DR1: variants seen among roughly 807,000 people sequenced by gnomAD.
DR1 encodes the protein protein Dr1.
In DR1, 7 loss-of-function variants were observed where a neutral mutation model predicts 19.9. That is an observed-to-expected ratio of 0.35 (90% confidence interval 0.20 to 0.66). The LOEUF is 0.66. Ranked by LOEUF, DR1 falls within the 30% of genes least tolerant of loss-of-function variation. The probability of loss-of-function intolerance (pLI) is 0.66; values close to 1 mark genes in which losing one functional copy is unlikely to be tolerated. For missense variants in DR1, 98 were observed against 203.7 expected, an observed-to-expected ratio of 0.48 and a Z score of 3.16; for synonymous variants, 76 against 72.5, an observed-to-expected ratio of 1.05 and a Z score of -0.24.
Position 93,347,687 on chromosome 1 carries a change from A to G in DR1, c.220+822A>G, listed in dbSNP as rs1051973280. Among the ~76,000 whole-genome samples the G allele has an allele frequency of 3.3e-5, 5 of 152,122 alleles. No individual in the cohort carries two copies. The East Asian group carries it at 5.8e-4, about 18-fold the overall frequency. ...TGGAACAGCACTTCTGAAAACTTCA[A>G]CAGTTTCTTTTATCCTGGAAAGGAT... On this transcript the variant is annotated intron_variant, in intron 1 of 2. Coordinates refer to ENST00000370272, the MANE Select transcript of DR1 (RefSeq NM_001938.3).
In DR1 at chr1:93,346,257, C is replaced by T. The variant is rs1666834771; in HGVS notation, c.-389C>T. On this transcript the variant is annotated 5_prime_UTR_variant, in exon 1 of 3. Coordinates refer to ENST00000370272, the MANE Select transcript of DR1 (RefSeq NM_001938.3). Reference sequence around the variant, plus strand: ...GCTGGGTACCCGCCCGGTACCGCGGCGAGGCCAGTGCCCCTGGATCTTGCC... The same window carrying T: ...GCTGGGTACCCGCCCGGTACCGCGGTGAGGCCAGTGCCCCTGGATCTTGCC... 3.8e-6 allele frequency: 1 copy of T among 260,804 alleles called. No homozygotes were observed. Among genetic ancestry groups the T allele is most frequent in the Non-Finnish European group, 7.6e-6 (1 of 131,896 alleles). 16.2% of individuals were successfully genotyped at this position (260,804 alleles called of 1,614,324 possible).
At position 93,346,172 on chromosome 1, in the gene DR1, A is replaced by G; in HGVS notation, c.-474A>G. The G allele has an allele frequency of 4.4e-6, 1 of 225,288 alleles. No homozygotes were observed. Among genetic ancestry groups the G allele is most frequent in the South Asian group, 4.9e-5 (1 of 20,524 alleles). 14.0% of individuals were successfully genotyped at this position (225,288 alleles called of 1,614,324 possible). A position where few individuals can be genotyped will look rare whatever the true frequency, so the allele number is the denominator to read the frequency against. On this transcript the variant is annotated 5_prime_UTR_variant, in exon 1 of 3. Coordinates refer to ENST00000370272, the MANE Select transcript of DR1 (RefSeq NM_001938.3). ...AGGATGGTTTGGCCGAGGCGGCGGC[A>G]ACGGCTGCTGGCGGCGGCGGCAGCG...
rs1667177690 is a variant in DR1, at chr1:93,367,240, G to T, written c.*6601G>T. The T allele has an allele frequency of 6.6e-6, 1 of 151,934 alleles. No individual in the cohort carries two copies. Among genetic ancestry groups the T allele is most frequent in the Admixed American group, 6.6e-5 (1 of 15,244 alleles). 9.4% of individuals were successfully genotyped at this position (151,934 alleles called of 1,614,324 possible). On this transcript the variant is annotated 3_prime_UTR_variant, in exon 3 of 3. Transcript: ENST00000370272. ...TGTAGTGCTAGTGGGTTAAATCAAG[G>T]AATAACTGTTGGGAAGTGAAAATTT...
intron 1 of DR1, among the ~76,000 whole-genome samples, chr1:93,352,458 G>C (rs1666925481): frequency 6.6e-6 from 1 of 152,182 alleles, no homozygotes; most frequent in Non-Finnish European, 1.5e-5. Flanking sequence ...CTTAATAATA[G>C]GACAGTACTA....
intron 2 of DR1, chr1:93,354,938 G>C (rs1280980000): frequency 6.6e-6 from 1 of 152,106 alleles, no homozygotes; most frequent in Non-Finnish European, 1.5e-5. Flanking sequence ...ACATTGCCAA[G>C]TAATTTTCCT....
chr1:93,350,510 A>G (rs973401750), intron 1 of DR1, among the ~76,000 whole-genome samples: 1 of 152,204 alleles, frequency 6.6e-6, no homozygotes, highest in Non-Finnish European at 1.5e-5. Flanking sequence ...CAAATGAAAA[A>G]CATGTTTTAT....
In DR1 at chr1:93,346,521, AC is replaced by A; in HGVS notation, c.-122del. ...AGCTGCTCCTCCGTTCATTTTCTGC[AC>A]CCTCTTCGCAAAGCACCCCCCGGGA... is the stretch of plus-strand genomic sequence containing the variant. On this transcript the variant is annotated 5_prime_UTR_variant, in exon 1 of 3. Coordinates refer to ENST00000370272, the MANE Select transcript of DR1 (RefSeq NM_001938.3). 2 of 698,310 alleles carry A rather than the reference AC, an allele frequency of 2.9e-6. No homozygotes were observed. The highest frequency in any genetic ancestry group is 1.8e-5 in the South Asian group (1 of 55,658). The allele number at this position is 698,310 out of a possible 1,614,324, so 43.3% of individuals were successfully genotyped here.
At chr1:93,353,289 CG>C (rs1213376137) in intron 1 of DR1, among the ~76,000 whole-genome samples, 1 of 151,968 alleles carries the variant, frequency 6.6e-6, no homozygotes, top group Non-Finnish European at 1.5e-5. Flanking sequence ...CTTTCAGCTA[CG>C]TTTTTTTTGC....
At position 93,365,575 on chromosome 1, in the gene DR1, A is replaced by G. The variant is rs1057126350; in HGVS notation, c.*4936A>G. 3 of 152,166 alleles carry G rather than the reference A, an allele frequency of 2.0e-5. No homozygotes were observed. The highest frequency in any genetic ancestry group is 7.2e-5 in the African/African-American group (3 of 41,424). 9.4% of individuals were successfully genotyped at this position (152,166 alleles called of 1,614,324 possible). A position where few individuals can be genotyped will look rare whatever the true frequency, so the allele number is the denominator to read the frequency against. ...ACCCTGTTGAAAACCACCACCTTAG[A>G]TCATCTAGGTTTTACTTTTAGGATA... is the stretch of plus-strand genomic sequence containing the variant. On this transcript the variant is annotated 3_prime_UTR_variant, in exon 3 of 3. Transcript: ENST00000370272.
Position 93,346,500 on chromosome 1 carries a change from GCTC to G in DR1, c.-141_-139del, listed in dbSNP as rs1666841351. The G allele has an allele frequency of 1.6e-6, 1 of 640,394 alleles. No individual in the cohort carries two copies. The highest frequency in any genetic ancestry group is 2.7e-6 in the Non-Finnish European group (1 of 367,118). 39.7% of individuals were successfully genotyped at this position (640,394 alleles called of 1,614,324 possible). The stretch of plus-strand genomic sequence containing the variant: ...AGTGTTCCCAGCCCTCAAGCCAGCT[GCTC>G]CTCCGTTCATTTTCTGCACCCTCTT... On this transcript the variant is annotated 5_prime_UTR_variant, in exon 1 of 3. Coordinates refer to ENST00000370272, the MANE Select transcript of DR1 (RefSeq NM_001938.3).
chr1:93,360,759 T>A lies in DR1; in HGVS notation c.*120T>A. 9.2e-7 allele frequency: 1 copy of A among 1,089,296 alleles called. No individual in the cohort carries two copies. Among genetic ancestry groups the A allele is most frequent in the East Asian group, 2.8e-5 (1 of 36,070 alleles). The allele number at this position is 1,089,296 out of a possible 1,614,324, so 67.5% of individuals were successfully genotyped here. ...CTTGGTGGACTTGTCATTGGTATTC[T>A]AGGGATGTCTGCTATTAAGTTTCAT... On this transcript the variant is annotated 3_prime_UTR_variant, in exon 3 of 3. Transcript: ENST00000370272.
chr1:93,349,268 T>A (rs771462), intron 1 of DR1, among the ~76,000 whole-genome samples: 30,875 of 151,640 alleles, frequency 0.2, 3,396 homozygotes, highest in East Asian at 0.31. Flanking sequence ...TTTAAAAAAA[T>A]TTTTTTTTCT....
At chr1:93,349,933 T>C (rs3767964) in intron 1 of DR1, among the ~76,000 whole-genome samples, 79,024 of 151,976 alleles carry the variant, frequency 0.52, 23,124 homozygotes, top group South Asian at 0.65. Flanking sequence ...AGTTTTGGCA[T>C]AAGTCCATGG....
At chr1:93,359,977 T>C (rs1003940268) in intron 2 of DR1, among the ~76,000 whole-genome samples, 1 of 152,070 alleles carries the variant, frequency 6.6e-6, no homozygotes, top group African/African-American at 2.4e-5. Context: ...AAAGAAATAA[T>C]GGGGTAGCTA....
rs921029918 is a variant in DR1, at chr1:93,346,152, G to A, written c.-494G>A. On this transcript the variant is annotated 5_prime_UTR_variant, in exon 1 of 3. The change abolishes an upstream ATG in the 5' untranslated region. Transcript: ENST00000370272. ...GCGGCGGCGCGGGTGTCTGAAGGAT[G>A]GTTTGGCCGAGGCGGCGGCAACGGC... The A allele has an allele frequency of 1.3e-5, 3 of 227,694 alleles. No individual in the cohort carries two copies. The highest frequency in any genetic ancestry group is 2.6e-5 in the Non-Finnish European group (3 of 115,930). 14.1% of individuals were successfully genotyped at this position (227,694 alleles called of 1,614,324 possible). A position where few individuals can be genotyped will look rare whatever the true frequency, so the allele number is the denominator to read the frequency against.
At position 93,368,327 on chromosome 1, in the gene DR1, T is replaced by TACACTTGTCACTAACATA. The variant is rs1236090746; in HGVS notation, c.*7688_*7689insACACTTGTCACTAACATA. 2 of 152,246 alleles carry TACACTTGTCACTAACATA rather than the reference T, an allele frequency of 1.3e-5. No homozygotes were observed. Among genetic ancestry groups the TACACTTGTCACTAACATA allele is most frequent in the Non-Finnish European group, 2.9e-5 (2 of 68,042 alleles). The allele number at this position is 152,246 out of a possible 1,614,324, so 9.4% of individuals were successfully genotyped here. ...GTTTCTTGCCTTTGTATATTTTATA[T>TACACTTGTCACTAACATA]GAATAGCACTTGTCACTAACATAGA... On this transcript the variant is annotated 3_prime_UTR_variant, in exon 3 of 3. Coordinates refer to ENST00000370272, the MANE Select transcript of DR1 (RefSeq NM_001938.3).
rs397714493 is a variant in DR1 at position 93,362,451 on chromosome 1, T to TC, written c.*1813dup. 6.6e-6 allele frequency: 1 copy of TC among 152,076 alleles called. No individual in the cohort carries two copies. Among genetic ancestry groups the TC allele is most frequent in the South Asian group, 2.1e-4 (1 of 4,810 alleles). 9.4% of individuals were successfully genotyped at this position (152,076 alleles called of 1,614,324 possible). ...TATTTTCCACACCTTTTTTTTTTTT[T>TC]CTGATGCAGAGTTCAGGTTAATATT... On this transcript the variant is annotated 3_prime_UTR_variant, in exon 3 of 3. Transcript: ENST00000370272.
rs1005995726 is a variant in DR1 at position 93,363,383 on chromosome 1, A to T, written c.*2744A>T. 2.0e-5 allele frequency: 3 copies of T among 152,244 alleles called. No individual in the cohort carries two copies. The highest frequency in any genetic ancestry group is 7.2e-5 in the African/African-American group (3 of 41,442). 9.4% of individuals were successfully genotyped at this position (152,244 alleles called of 1,614,324 possible). On this transcript the variant is annotated 3_prime_UTR_variant, in exon 3 of 3. Transcript: ENST00000370272. The stretch of plus-strand genomic sequence containing the variant: ...AACTTAGTGACTTAAAACAACACAG[A>T]TTTATTCTTTTATAGTCCTGGAGAT...
chr1:93,353,255 T>G (rs999990616), intron 1 of DR1, among the ~76,000 whole-genome samples: 6 of 152,188 alleles, frequency 3.9e-5, no homozygotes, highest in South Asian at 2.1e-4. Flanking sequence ...ACATTTTTAT[T>G]AGTGCTTCTT....
Sources: allele counts gnomAD v4.1 joint callset (sites outside exome capture counted in the v4.1 genomes callset), GRCh38; gene constraint gnomAD v4.1.1; transcripts MANE v1.5; gene names NCBI Gene and HGNC (gene_info 2026-07-23, HGNC 2026-07-21).